The following CLK3 variants were observed in gnomAD, a reference collection of about 807,000 sequenced individuals.
CLK3 encodes dual specificity protein kinase CLK3.
Under a neutral mutation model 65.2 loss-of-function variants are expected in CLK3, and 24 were observed. The ratio of observed to expected loss-of-function variants is 0.37; its 90% CI spans 0.27 to 0.52. The LOEUF (loss-of-function observed/expected upper bound fraction) is 0.52. Ranked by LOEUF, CLK3 falls within the 20% of genes least tolerant of loss-of-function variation. The probability of loss-of-function intolerance (pLI) is 0.92; values close to 1 mark genes in which losing one functional copy is unlikely to be tolerated. For missense variants in CLK3, 506 were observed against 660.0 expected (o/e 0.77, Z 2.56); for synonymous variants, 252 against 240.8 (o/e 1.05, Z -0.43).
chr15:74,626,889 T>G (rs2062146997), intron 7 of CLK3: 2 of 429,756 alleles, frequency 4.7e-6, no homozygotes, highest in East Asian at 1.4e-4. Context: ...ACCTGTGCAC[T>G]CAGTCGCACA....
rs1197121835 is a variant in CLK3 at position 74,627,896 on chromosome 15, G to A, written c.1043-74G>A. ...GGGCAAGAGTCCTGCCAGCCGGTGT[G>A]GTGGCTGCCTTGTGACTTCCAGGCT... On this transcript the variant is annotated intron_variant, in intron 9 of 12. Coordinates refer to ENST00000395066, the MANE Select transcript of CLK3 (RefSeq NM_001130028.2). This position sits in a 1 kb window ranked among gnomAD's most constrained non-coding sequence, Gnocchi z 4.3. 2 of 1,293,308 alleles carry A rather than the reference G, an allele frequency of 1.5e-6. No homozygotes were observed. Among genetic ancestry groups the A allele is most frequent in the Non-Finnish European group, 2.2e-6 (2 of 890,640 alleles). 80.1% of individuals were successfully genotyped at this position (1,293,308 alleles called of 1,614,324 possible).
chr15:74,615,431 G>C, upstream of CLK3: 5 of 1,268,294 alleles, frequency 3.9e-6, no homozygotes, highest in Non-Finnish European at 5.0e-6. Flanking sequence ...GGCCGCTCTC[G>C]CGCTCTCCGG....
At chr15:74,612,713 G>A (rs546191361), upstream of CLK3, among the ~76,000 whole-genome samples, 2 of 152,100 alleles carry the variant, frequency 1.3e-5, no homozygotes, top group African/African-American at 4.8e-5. Flanking sequence ...CCAGGCTCCT[G>A]CAGCCCCCTC....
rs755493680 is a variant in CLK3, at chr15:74,615,882, C to T, written c.-17C>T. ...AGCGGGGAGTGGGGCCTAGCTGCAGCCGGAGCCTGGGAGACGGTAAGTGTG... is the reference window on the plus strand; with the variant it reads ...AGCGGGGAGTGGGGCCTAGCTGCAGTCGGAGCCTGGGAGACGGTAAGTGTG... On this transcript the variant is annotated 5_prime_UTR_variant, in exon 1 of 13. Transcript: ENST00000395066. The T allele has an allele frequency of 8.0e-7, 1 of 1,254,448 alleles. No individual in the cohort carries two copies. The highest frequency in any genetic ancestry group is 4.0e-5 in the Admixed American group (1 of 24,726). The allele number at this position is 1,254,448 out of a possible 1,614,324, so 77.7% of individuals were successfully genotyped here.
At chr15:74,626,216 CAG>C (rs967188534) in intron 7 of CLK3, among the ~76,000 whole-genome samples, 2 of 152,212 alleles carry the variant, frequency 1.3e-5, no homozygotes, top group Non-Finnish European at 1.5e-5. Flanking sequence ...AGGAAGAAAA[CAG>C]AAACGAACTG....
In CLK3 at chr15:74,619,286, T is replaced by C. The variant is rs199630534; in HGVS notation, c.90T>C (p.His30=). ...WKRRRSYSRE[H]EGRLRYPSRR... ...GGAGGAGGTCCTACAGTCGGGAACA[T>C]GAAGGGAGACTGCGATACCCGTCCC... The change falls in exon 2 of 13, where the codon CAT becomes CAC. Residue 30 remains histidine (H), a synonymous_variant. Coordinates refer to ENST00000395066, the MANE Select transcript of CLK3 (RefSeq NM_001130028.2). 4 of 1,614,048 alleles carry C rather than the reference T, an allele frequency of 2.5e-6. No homozygotes were observed. Among genetic ancestry groups the C allele is most frequent in the East Asian group, 4.5e-5 (2 of 44,880 alleles).
At position 74,627,300 on chromosome 15, in the gene CLK3, A is replaced by G; in HGVS notation, c.818-52A>G. On this transcript the variant is annotated intron_variant, in intron 7 of 12. Transcript: ENST00000395066. This position sits in a 1 kb window ranked among gnomAD's most constrained non-coding sequence, Gnocchi z 4.3. ...AAGAGGGGTCTGGCCTAGAGCTGGC[A>G]GGAGAGCCAGCTTCTCAGTGCCTAC... 2 of 1,413,220 alleles carry G rather than the reference A, an allele frequency of 1.4e-6. No homozygotes were observed. Among genetic ancestry groups the G allele is most frequent in the Non-Finnish European group, 1.0e-6 (1 of 997,482 alleles). The allele number at this position is 1,413,220 out of a possible 1,614,324, so 87.5% of individuals were successfully genotyped here. A position where few individuals can be genotyped will look rare whatever the true frequency, so the allele number is the denominator to read the frequency against.
chr15:74,614,449 G>C (rs1329248906), upstream of CLK3, among the ~76,000 whole-genome samples: 1 of 152,242 alleles, frequency 6.6e-6, no homozygotes, highest in East Asian at 1.9e-4. Flanking sequence ...GCAAGGAGCT[G>C]GAACTACAGG....
intron 1 of CLK3, among the ~76,000 whole-genome samples, chr15:74,616,366 G>A (rs1215366587): frequency 1.3e-5 from 2 of 152,274 alleles, no homozygotes; most frequent in Non-Finnish European, 2.9e-5. Flanking sequence ...CAGGGGATGG[G>A]ACTCTGAGAC....
rs1207832651 is a variant in CLK3 at position 74,630,040 on chromosome 15, A to G, written c.*157A>G. 1 of 662,238 alleles carries G rather than the reference A, an allele frequency of 1.5e-6. No individual in the cohort carries two copies. Among genetic ancestry groups the G allele is most frequent in the Non-Finnish European group, 2.6e-6 (1 of 389,618 alleles). The allele number at this position is 662,238 out of a possible 1,614,324, so 41.0% of individuals were successfully genotyped here. A position where few individuals can be genotyped will look rare whatever the true frequency, so the allele number is the denominator to read the frequency against. On this transcript the variant is annotated 3_prime_UTR_variant, in exon 13 of 13. Coordinates refer to ENST00000395066, the MANE Select transcript of CLK3 (RefSeq NM_001130028.2). Reference sequence around the variant, plus strand: ...CTGCAGGGGAGCAGACTTGGTGCCCAGCTGCCAGAAAGCACAGATTTGACC... The same window carrying G: ...CTGCAGGGGAGCAGACTTGGTGCCCGGCTGCCAGAAAGCACAGATTTGACC...
rs1370885596 is a variant in CLK3 at position 74,624,245 on chromosome 15, T to G, written c.534-657T>G. On this transcript the variant is annotated intron_variant, in intron 5 of 12. Coordinates refer to ENST00000395066, the MANE Select transcript of CLK3 (RefSeq NM_001130028.2). The surrounding 1 kb of genome is among the most constrained non-coding windows in gnomAD (Gnocchi z 4.2). Reference sequence around the variant, plus strand: ...TGCAGATGGCCTCCTGGGGTGAGGTTGGGGGTGGGAGGCACAGAGCAGGGA... The same window carrying G: ...TGCAGATGGCCTCCTGGGGTGAGGTGGGGGGTGGGAGGCACAGAGCAGGGA... 2 of 152,234 alleles carry G rather than the reference T, an allele frequency of 1.3e-5. No homozygotes were observed. Among genetic ancestry groups the G allele is most frequent in the Admixed American group, 6.5e-5 (1 of 15,278 alleles). The allele number at this position is 152,234 out of a possible 1,614,324, so 9.4% of individuals were successfully genotyped here.
intron 1 of CLK3, 32 bp downstream of exon 1, chr15:74,615,930 AGCG>A (rs550921975): frequency 5.5e-5 from 68 of 1,235,052 alleles, no homozygotes; most frequent in South Asian, 4.0e-4. Context: ...CGGCGGCGAC[AGCG>A]GCGGCGGCGG....
chr15:74,615,406 G>A (rs555206448), upstream of CLK3: 28 of 1,245,614 alleles, frequency 2.2e-5, no homozygotes, highest in African/African-American at 3.1e-4. Flanking sequence ...CCCGAGCTCC[G>A]GCACACAGAC....
At chr15:74,614,979 A>G (rs1450364306), upstream of CLK3, 1 of 157,388 alleles carries the variant, frequency 6.4e-6, no homozygotes, top group Admixed American at 6.5e-5. Flanking sequence ...TGAGGTCTCA[A>G]AAGATCCCCA....
chr15:74,628,881 T>C, intron 11 of CLK3, 61 bp from the exon 12 acceptor site: 1 of 1,271,566 alleles, frequency 7.9e-7, no homozygotes, highest in Non-Finnish European at 1.1e-6. Flanking sequence ...CTTCCCCACC[T>C]CCCACCAGAG....
Position 74,628,688 on chromosome 15 carries a change from G to A in CLK3, c.1205+5G>A. ...ACACATGATCCACCGTACCAGGTAA[G>A]GACCCCAGTAGCCCCCTCAGGGTTG... is the stretch of plus-strand genomic sequence containing the variant. On this transcript the variant is annotated splice_donor_5th_base_variant and intron_variant, in intron 11 of 12. Transcript: ENST00000395066. The A allele has an allele frequency of 6.2e-7, 1 of 1,609,546 alleles. No homozygotes were observed. Among genetic ancestry groups the A allele is most frequent in the African/African-American group, 1.3e-5 (1 of 74,804 alleles).
In CLK3 at chr15:74,622,148, G is replaced by C. The variant is rs1318858179; in HGVS notation, c.398G>C (p.Ser133Thr). Reference sequence around the variant, plus strand: ...AGCCAACAGAGCAGTAAGCGCAGCAGCCGGAGTGTGGAAGATGACAAGGAG... The same window carrying C: ...AGCCAACAGAGCAGTAAGCGCAGCACCCGGAGTGTGGAAGATGACAAGGAG... ...SRSQQSSKRSSRSVEDDKEGH... is the reference protein window; with the variant it reads ...SRSQQSSKRSTRSVEDDKEGH... Residue 133 changes from serine (S) to threonine (T), a missense_variant, in exon 4 of 13, where the codon AGC (serine) becomes ACC (threonine). By Grantham distance (58) the Ser-to-Thr change is moderately conservative. Coordinates refer to ENST00000395066, the MANE Select transcript of CLK3 (RefSeq NM_001130028.2). This position sits in a 1 kb window ranked among gnomAD's most constrained non-coding sequence, Gnocchi z 4.6. 6.2e-7 allele frequency: 1 copy of C among 1,614,174 alleles called. No individual in the cohort carries two copies. Among genetic ancestry groups the C allele is most frequent in the Non-Finnish European group, 8.5e-7 (1 of 1,180,020 alleles).
chr15:74,619,170 C>T, intron 1 of CLK3, 27 bp from the exon 2 acceptor site: 3 of 1,611,782 alleles, frequency 1.9e-6, no homozygotes, highest in South Asian at 1.1e-5. Flanking sequence ...GTGTGTTTAG[C>T]AGGGCTCTCT....
upstream of CLK3, chr15:74,615,661 C>G (rs993374086): frequency 8.0e-7 from 1 of 1,247,072 alleles, no homozygotes; most frequent in Non-Finnish European, 1.0e-6. Context: ...GTCCCCTCGG[C>G]CCTCCCGGAA....
Sources: gnomAD v4.1 joint callset for allele counts (sites outside exome capture counted in the v4.1 genomes callset) on GRCh38, gnomAD v4.1.1 for gene constraint, Gnocchi (gnomAD v3.1) non-coding constraint, MANE v1.5 for transcripts, NCBI Gene and HGNC (gene_info 2026-07-23, HGNC 2026-07-21) for gene names.